ODF2L: variants seen among roughly 807,000 people sequenced by gnomAD.
The protein encoded by ODF2L is outer dense fiber of sperm tails 2 like, also known as protein BCAP.
A neutral mutation model predicts 86.3 loss-of-function variants in ODF2L; 76 were observed. That is an observed-to-expected ratio of 0.88 (90% CI 0.73 to 1.07). The LOEUF is 1.07. ODF2L is among the 50% of genes least tolerant of loss of function. The pLI is 0.00. For missense variants in ODF2L, 748 were observed against 717.4 expected, an observed-to-expected ratio of 1.04 and a Z score of -0.49; for synonymous variants, 241 against 231.3, an observed-to-expected ratio of 1.04 and a Z score of -0.38.
At chr1:86,352,221 C>T (rs1331512256) in intron 17 of ODF2L, 37 of 1,496,962 alleles carry the variant, frequency 2.5e-5, no homozygotes, top group Non-Finnish European at 3.2e-5. Flanking sequence ...GGAAAAAACA[C>T]AGTATCATTA....
chr1:86,355,521 TG>T, intron 14 of ODF2L: 1 of 621,290 alleles, frequency 1.6e-6, no homozygotes, highest in Non-Finnish European at 2.9e-6. Context: ...ACTAAAATTT[TG>T]TCTGCATATT....
chr1:86,369,331 G>A (rs1048080916), intron 10 of ODF2L, among the ~76,000 whole-genome samples: 1 of 152,114 alleles, frequency 6.6e-6, no homozygotes, highest in Non-Finnish European at 1.5e-5. Flanking sequence ...TTAACAAAAA[G>A]TAGCCGAAAT....
intron 1 of ODF2L, among the ~76,000 whole-genome samples, chr1:86,390,852 G>T (rs760456692): frequency 1.2e-4 from 18 of 152,168 alleles, no homozygotes; most frequent in Non-Finnish European, 2.4e-4. Context: ...AGAAGAGAAA[G>T]AAATAAAGGG....
intron 12 of ODF2L, among the ~76,000 whole-genome samples, chr1:86,360,174 C>A (rs1558014940): frequency 6.6e-6 from 1 of 152,074 alleles, no homozygotes; most frequent in Non-Finnish European, 1.5e-5. Context: ...TCACATTATA[C>A]CGATGTAATT....
At chr1:86,375,939 T>C (rs1660136070) in intron 8 of ODF2L, among the ~76,000 whole-genome samples, 1 of 152,154 alleles carries the variant, frequency 6.6e-6, no homozygotes, top group Admixed American at 6.5e-5. Context: ...TATGAAGTAT[T>C]ACCCTTAGTT....
intron 1 of ODF2L, among the ~76,000 whole-genome samples, chr1:86,391,692 C>T (rs1412369079): frequency 1.3e-5 from 2 of 152,108 alleles, no homozygotes; most frequent in Non-Finnish European, 2.9e-5. Context: ...GGATCAAAGA[C>T]TTAAATCTAA....
rs761762959 is a variant in ODF2L at position 86,372,538 on chromosome 1, T to A, written c.813A>T (p.Glu271Asp). 85 of 1,486,458 alleles carry A rather than the reference T, an allele frequency of 5.7e-5. No individual in the cohort carries two copies. The highest frequency in any genetic ancestry group is 7.4e-5 in the Non-Finnish European group (83 of 1,117,362). The allele number at this position is 1,486,458 out of a possible 1,614,324, so 92.1% of individuals were successfully genotyped here. A position where few individuals can be genotyped will look rare whatever the true frequency, so the allele number is the denominator to read the frequency against. Residue 271 changes from glutamate to aspartate, a missense_variant and splice_region_variant, in exon 9 of 18, where the codon GAA (glutamate) becomes GAT (aspartate). By Grantham distance (45) the Glu-to-Asp change is conservative (BLOSUM62 2). Transcript: ENST00000317336. ...CTGAAATTGTTTCAGACAACTTGGCTTCCTAAAAAATACATAAAAGTATTC... is the reference window on the plus strand; with the variant it reads ...CTGAAATTGTTTCAGACAACTTGGCATCCTAAAAAATACATAAAAGTATTC...
At chr1:86,368,345 T>A (rs996144149) in intron 11 of ODF2L, among the ~76,000 whole-genome samples, 3 of 152,150 alleles carry the variant, frequency 2.0e-5, no homozygotes, top group African/African-American at 7.2e-5. Context: ...GTATTAGTAT[T>A]TATATTATCA....
intron 8 of ODF2L, among the ~76,000 whole-genome samples, chr1:86,373,870 C>A (rs1309022598): frequency 6.6e-6 from 1 of 152,174 alleles, no homozygotes; most frequent in Non-Finnish European, 1.5e-5. Context: ...AATGTGAACT[C>A]CCATGAGGTA....
At position 86,356,441 on chromosome 1, in the gene ODF2L, C is replaced by T. The variant is rs749929633; in HGVS notation, c.1518+3G>A. The T allele has an allele frequency of 1.3e-6, 2 of 1,597,452 alleles. No individual in the cohort carries two copies. The highest frequency in any genetic ancestry group is 1.1e-5 in the South Asian group (1 of 88,620). On this transcript the variant is annotated splice_donor_region_variant and intron_variant, in intron 14 of 17. Coordinates refer to ENST00000317336, the Ensembl canonical transcript of ODF2L. Reference sequence around the variant, plus strand: ...AGCAAAACTCAGAAGGACGGCTGGACACCTGGCCCTGAAGCTCCCTAATGG... The same window carrying T: ...AGCAAAACTCAGAAGGACGGCTGGATACCTGGCCCTGAAGCTCCCTAATGG...
Position 86,382,241 on chromosome 1 carries a change from C to G in ODF2L, c.624+1G>C. On this transcript the variant is annotated splice_donor_variant, in intron 7 of 17. Coordinates refer to ENST00000317336, the Ensembl canonical transcript of ODF2L. LOFTEE classifies it high-confidence loss of function. Reference sequence around the variant, plus strand: ...AAAATGGATATATATTTATATATAACCTTTACATATTCTTTCAACTTATCG... The same window carrying G: ...AAAATGGATATATATTTATATATAAGCTTTACATATTCTTTCAACTTATCG... 1.2e-6 allele frequency: 2 copies of G among 1,605,498 alleles called. No individual in the cohort carries two copies. Among genetic ancestry groups the G allele is most frequent in the Non-Finnish European group, 1.7e-6 (2 of 1,176,888 alleles).
At chr1:86,360,621 T>G in intron 11 of ODF2L, 85 bp from the exon 11 acceptor site, 1 of 594,542 alleles carries the variant, frequency 1.7e-6, no homozygotes, top group South Asian at 2.6e-5. Context: ...ACATAACTCA[T>G]GTATTAACAA....
Position 86,383,829 on chromosome 1 carries a change from C to T in ODF2L, c.373-633G>A, listed in dbSNP as rs552578633. Among the ~76,000 whole-genome samples, 4 of 151,824 alleles carry T rather than the reference C, an allele frequency of 2.6e-5. No individual in the cohort carries two copies. The South Asian group carries it at 8.3e-4, about 31-fold the overall frequency. ...AAAGAGCTCAAGTTAAGATTCCTTT[C>T]TATTCAAAAAATATTCAATACATGA... On this transcript the variant is annotated intron_variant, in intron 4 of 17. Transcript: ENST00000317336.
At chr1:86,353,550 C>A (rs1363733746) in intron 16 of ODF2L, among the ~76,000 whole-genome samples, 1 of 152,128 alleles carries the variant, frequency 6.6e-6, no homozygotes, top group East Asian at 1.9e-4. Flanking sequence ...TCTAAGGAAT[C>A]AGATATGTTT....
intron 1 of ODF2L, among the ~76,000 whole-genome samples, chr1:86,394,681 AG>A (rs1211098308): frequency 6.6e-6 from 1 of 152,182 alleles, no homozygotes; most frequent in African/African-American, 2.4e-5. Flanking sequence ...CTTTTGGGAT[AG>A]AAAAACTACA....
chr1:86,371,290 T>C (rs1570393900), intron 9 of ODF2L, 137 bp from the exon 10 acceptor site: 1 of 457,624 alleles, frequency 2.2e-6, no homozygotes, highest in East Asian at 3.4e-5. Flanking sequence ...TAAATAGAAC[T>C]CATAGAACAA....
At chr1:86,359,519 CTTTTTTTTTTT>C in intron 12 of ODF2L, among the ~76,000 whole-genome samples, 1 of 95,116 alleles carries the variant, frequency 1.1e-5, no homozygotes, top group African/African-American at 3.9e-5. Context: ...TTAGTTCATT[CTTTTTTTTTTT>C]TTTTTTTTTT....
rs369112217 is a variant in ODF2L, at chr1:86,381,664, C to T, written c.624+578G>A. 2.0e-5 allele frequency among the ~76,000 whole-genome samples: 3 copies of T among 151,676 alleles called. No homozygotes were observed. In the South Asian group the frequency reaches 6.2e-4, roughly 32 times the overall value. On this transcript the variant is annotated intron_variant, in intron 7 of 17. Transcript: ENST00000317336. ...ATTGTATGATATGCCACCTCAAATT[C>T]TTATCTCAAAGTGACTTTGACTCCA... is the stretch of plus-strand genomic sequence containing the variant.
intron 8 of ODF2L, among the ~76,000 whole-genome samples, chr1:86,373,321 T>G (rs1002736309): frequency 6.7e-6 from 1 of 150,338 alleles, no homozygotes; most frequent in Non-Finnish European, 1.5e-5. Context: ...TTGCCCTGGC[T>G]GAAGTGCAGT....
Sources: gnomAD v4.1 joint callset for allele counts (sites outside exome capture counted in the v4.1 genomes callset) on GRCh38, gnomAD v4.1.1 for gene constraint, MANE v1.5 for transcripts, NCBI Gene and HGNC (gene_info 2026-07-23, HGNC 2026-07-21) for gene names.